PCDH15: variants seen among roughly 807,000 people sequenced by gnomAD.
The protein encoded by PCDH15 is protocadherin related 15.
A neutral mutation model predicts 178.5 loss-of-function variants in PCDH15; 129 were observed. The ratio of observed to expected loss-of-function variants is 0.72; its 90% CI spans 0.63 to 0.84. PCDH15 has a LOEUF of 0.84. PCDH15 is among the 40% of genes least tolerant of loss of function. The probability of loss-of-function intolerance (pLI) is 0.00; values close to 1 mark genes in which losing one functional copy is unlikely to be tolerated. For synonymous variants in PCDH15, 800 were observed against 732.0 expected (o/e 1.09, Z -1.50); for missense variants, 2,230 against 2,099.9 (o/e 1.06, Z -1.21).
In PCDH15 at chr10:55,121,365, G is replaced by C. The variant is rs571301559; in HGVS notation, c.-80+45211C>G. Among the ~76,000 whole-genome samples, 63 of 149,416 alleles carry C rather than the reference G, an allele frequency of 4.2e-4. No homozygotes were observed. In the East Asian group the frequency reaches 0.012, roughly 27 times the overall value. On this transcript the variant is annotated intron_variant, in intron 2 of 5. Coordinates refer to the PCDH15 transcript ENST00000458638. ...GTTTCACAGGCTCAGAGCTGGGGGG[G>C]GGCAATTTGCCTTAGGATGACTTTT...
rs556256180 is a variant in PCDH15 at position 55,435,165 on chromosome 10, G to T, written c.-156+192460C>A. On this transcript the variant is annotated intron_variant, in intron 2 of 5. Transcript: ENST00000613346. Reference sequence around the variant, plus strand: ...AAGTAAAGAATAATGCTTTTGTGGGGTAAAGAAAAATAAGGTGCAAGGCTT... The same window carrying T: ...AAGTAAAGAATAATGCTTTTGTGGGTTAAAGAAAAATAAGGTGCAAGGCTT... 2.6e-4 allele frequency among the ~76,000 whole-genome samples: 40 copies of T among 152,078 alleles called. No homozygotes were observed. In the South Asian group the frequency reaches 7.3e-3, roughly 28 times the overall value.
chr10:54,830,700 A>T (rs113053368), intron 3 of PCDH15, among the ~76,000 whole-genome samples: 1 of 151,956 alleles, frequency 6.6e-6, no homozygotes, highest in Admixed American at 6.6e-5. Context: ...AAACCTGCAC[A>T]TTATGTACAT....
At chr10:54,448,064 T>G (rs1343235925) in intron 3 of PCDH15, among the ~76,000 whole-genome samples, 1 of 151,688 alleles carries the variant, frequency 6.6e-6, no homozygotes, top group African/African-American at 2.4e-5. Flanking sequence ...GTTTCTCCAC[T>G]CTAATATATA....
At chr10:55,593,150 T>TAAAA (rs1842875578) in intron 2 of PCDH15, among the ~76,000 whole-genome samples, 1 of 151,956 alleles carries the variant, frequency 6.6e-6, no homozygotes, top group Non-Finnish European at 1.5e-5. Context: ...AAAATAGCAT[T>TAAAA]TAGTGACCCA....
chr10:54,154,795 C>T (rs1246855540), intron 13 of PCDH15, among the ~76,000 whole-genome samples: 2 of 152,032 alleles, frequency 1.3e-5, no homozygotes, highest in African/African-American at 4.8e-5. Flanking sequence ...TGGGGGTGGA[C>T]AGATGTGGTT....
intron 3 of PCDH15, among the ~76,000 whole-genome samples, chr10:54,468,865 T>C (rs1024718379): frequency 6.6e-6 from 1 of 152,144 alleles, no homozygotes; most frequent in Non-Finnish European, 1.5e-5. Context: ...GTTGTTATAT[T>C]CTTTTGCTGA....
chr10:54,048,097 C>A (rs1301596927), intron 18 of PCDH15, among the ~76,000 whole-genome samples: 1 of 152,064 alleles, frequency 6.6e-6, no homozygotes, highest in Non-Finnish European at 1.5e-5. Flanking sequence ...TAATAATAGT[C>A]ATTTTGACTG....
chr10:53,872,094 C>A (rs530911704), intron 26 of PCDH15, among the ~76,000 whole-genome samples: 1 of 152,272 alleles, frequency 6.6e-6, no homozygotes, highest in East Asian at 1.9e-4. Flanking sequence ...CACTCTACCC[C>A]TCCTTGTTGC....
chr10:54,220,368 C>T (rs1346200644), intron 9 of PCDH15, among the ~76,000 whole-genome samples: 1 of 152,154 alleles, frequency 6.6e-6, no homozygotes, highest in Non-Finnish European at 1.5e-5. Context: ...ATTCTGAACT[C>T]TCACGGCTAG....
intron 2 of PCDH15, among the ~76,000 whole-genome samples, chr10:55,397,424 G>C (rs1049905971): frequency 2.0e-5 from 3 of 152,040 alleles, no homozygotes; most frequent in Non-Finnish European, 2.9e-5. Context: ...AAACATTTAG[G>C]TGTAAGTGAA....
intron 3 of PCDH15, among the ~76,000 whole-genome samples, chr10:54,453,040 C>T (rs1381771788): frequency 1.3e-5 from 2 of 152,040 alleles, no homozygotes; most frequent in African/African-American, 2.4e-5. Context: ...ATAAGGAACA[C>T]TTTTACACTG....
intron 2 of PCDH15, among the ~76,000 whole-genome samples, chr10:55,519,598 A>T (rs1841107667): frequency 6.6e-6 from 1 of 152,206 alleles, no homozygotes; most frequent in South Asian, 2.1e-4. Context: ...TTTTCCGTAT[A>T]ATTTCTGTAA....
chr10:54,726,287 A>G (rs1435720678), intron 1 of PCDH15, among the ~76,000 whole-genome samples: 1 of 151,696 alleles, frequency 6.6e-6, no homozygotes, highest in Non-Finnish European at 1.5e-5. Flanking sequence ...TTCCTAAGAA[A>G]ATAATTATTA....
At chr10:54,187,144 T>C (rs2048543149) in intron 11 of PCDH15, among the ~76,000 whole-genome samples, 1 of 151,922 alleles carries the variant, frequency 6.6e-6, no homozygotes, top group Admixed American at 6.6e-5. Flanking sequence ...AAACCCTAAA[T>C]GCAAGCTGAG....
chr10:55,038,576 T>A (rs997709831), intron 2 of PCDH15, among the ~76,000 whole-genome samples: 8 of 152,192 alleles, frequency 5.3e-5, no homozygotes, highest in African/African-American at 1.7e-4. Context: ...ATATCAGGAT[T>A]TACCTTAATT....
chr10:53,823,063 T>C, intron 32 of PCDH15: 3 of 1,614,074 alleles, frequency 1.9e-6, no homozygotes, highest in Non-Finnish European at 2.5e-6. Context: ...GCTTGTATTT[T>C]GGGTGAAAAT....
intron 2 of PCDH15, among the ~76,000 whole-genome samples, chr10:54,579,179 C>G (rs2090795378): frequency 6.6e-6 from 1 of 151,960 alleles, no homozygotes; most frequent in African/African-American, 2.4e-5. Flanking sequence ...TCCAAACACC[C>G]CACTTAGAAG....
At chr10:54,212,767 T>C (rs2051583379) in intron 10 of PCDH15, among the ~76,000 whole-genome samples, 1 of 152,168 alleles carries the variant, frequency 6.6e-6, no homozygotes, top group Non-Finnish European at 1.5e-5. Context: ...ATCTATTAAT[T>C]GTTAAACTAG....
At chr10:54,528,006 C>A in intron 2 of PCDH15, 129 bp from the exon 3 acceptor site, 1 of 699,870 alleles carries the variant, frequency 1.4e-6, no homozygotes. Flanking sequence ...TGCATCACTA[C>A]AATTAATATT....
Sources: allele counts gnomAD v4.1 joint callset (sites outside exome capture counted in the v4.1 genomes callset), GRCh38; gene constraint gnomAD v4.1.1; transcripts MANE v1.5; gene names NCBI Gene and HGNC (gene_info 2026-07-23, HGNC 2026-07-21).